The following MNX1 variants were observed in gnomAD, a reference collection of about 807,000 sequenced individuals.
MNX1 encodes the protein motor neuron and pancreas homeobox protein 1.
A neutral mutation model predicts 17.3 loss-of-function variants in MNX1; 2 were observed. The observed-to-expected ratio is 0.12, with a 90% CI of 0.05 to 0.36. MNX1 has a LOEUF of 0.36. Ranked by LOEUF, MNX1 falls within the 10% of genes least tolerant of loss-of-function variation. The pLI, the probability that MNX1 is intolerant of heterozygous loss-of-function variation, is 1.00. For synonymous variants in MNX1, 306 were observed against 283.1 expected (o/e 1.08, Z -0.81); for missense variants, 556 against 564.7 (o/e 0.98, Z 0.16).
At chr7:157,009,461 G>A (rs1805666270) in intron 1 of MNX1, 199 bp downstream of exon 1, 2 of 1,434,720 alleles carry the variant, frequency 1.4e-6, no homozygotes, top group East Asian at 2.5e-5. Context: ...GCCTGCGCAT[G>A]GCCATTTTAA....
rs746639181 is a variant in MNX1 at position 157,005,532 on chromosome 7, G to C, written c.1194C>G (p.Pro398=). The C allele has an allele frequency of 6.8e-5, 103 of 1,518,000 alleles. No homozygotes were observed. Among genetic ancestry groups the C allele is most frequent in the Non-Finnish European group, 4.4e-5 (50 of 1,137,910 alleles). The allele number at this position is 1,518,000 out of a possible 1,614,324, so 94.0% of individuals were successfully genotyped here. A position where few individuals can be genotyped will look rare whatever the true frequency, so the allele number is the denominator to read the frequency against. ...GGCCGCGGGGCTCCTACTGGGGCGC[G>C]GGCTGGTGGCTGGGCCGCGGGGGCG... ...DSPPPRPSHQ[P]APQ is the part of the protein sequence containing the mutation. The change falls in exon 3 of 3, where the codon CCC becomes CCG. Residue 398 remains proline (P), a synonymous_variant. Coordinates refer to ENST00000252971, the MANE Select transcript of MNX1 (RefSeq NM_005515.4).
Position 157,010,599 on chromosome 7 carries a change from C to T in MNX1, c.-249G>A, listed in dbSNP as rs1805698364. On this transcript the variant is annotated 5_prime_UTR_variant, in exon 1 of 3. Transcript: ENST00000252971. Reference sequence around the variant, plus strand: ...CGCGAGTGCTTCCCCGCGTCCGGGCCCGGGAGCCCGGTTCTTTGCGCTGCA... The same window carrying T: ...CGCGAGTGCTTCCCCGCGTCCGGGCTCGGGAGCCCGGTTCTTTGCGCTGCA... The T allele has an allele frequency of 3.4e-6, 1 of 292,752 alleles. No homozygotes were observed. The highest frequency in any genetic ancestry group is 2.2e-5 in the African/African-American group (1 of 46,254). The allele number at this position is 292,752 out of a possible 1,614,324, so 18.1% of individuals were successfully genotyped here.
At chr7:157,009,171 C>G (rs1230868787) in intron 1 of MNX1, 2 of 1,480,340 alleles carry the variant, frequency 1.4e-6, no homozygotes, top group Non-Finnish European at 1.8e-6. Flanking sequence ...CTTGCCTCCC[C>G]GGGCCTCCGA....
chr7:157,009,518 A>G, intron 1 of MNX1, 142 bp downstream of exon 1: 1 of 1,451,970 alleles, frequency 6.9e-7, no homozygotes, highest in Non-Finnish European at 9.1e-7. Context: ...GAGTCCTCGC[A>G]GGCCCCGGGC....
chr7:157,009,587 G>C, intron 1 of MNX1, 73 bp downstream of exon 1: 1 of 1,564,000 alleles, frequency 6.4e-7, no homozygotes, highest in South Asian at 1.1e-5. Context: ...CGCAGAGAGG[G>C]GCAGGCGGTG....
At chr7:157,005,930 C>A in intron 2 of MNX1, 57 bp from the exon 3 acceptor site, 1 of 1,590,932 alleles carries the variant, frequency 6.3e-7, no homozygotes. Context: ...GCTTCCTGTC[C>A]CCGGAGTCCC....
In MNX1 at chr7:157,010,096, G is replaced by A. The variant is rs1038358637; in HGVS notation, c.255C>T (p.Ala85=). 8 of 985,126 alleles carry A rather than the reference G, an allele frequency of 8.1e-6. No individual in the cohort carries two copies. In the Admixed American group the frequency reaches 3.1e-4, roughly 39 times the overall value. 61.0% of individuals were successfully genotyped at this position (985,126 alleles called of 1,614,324 possible). A position where few individuals can be genotyped will look rare whatever the true frequency, so the allele number is the denominator to read the frequency against. ...AESPSPPRLL[A]AHCALLPKPG... ...GCTTGGGCAGCAGCGCGCAGTGCGCGGCCAGCAGGCGCGGCGGCGACGGGC... is the reference window on the plus strand; with the variant it reads ...GCTTGGGCAGCAGCGCGCAGTGCGCAGCCAGCAGGCGCGGCGGCGACGGGC... Residue 85 remains alanine (A), a synonymous_variant, in exon 1 of 3, where the codon GCC becomes GCT. Coordinates refer to ENST00000252971, the MANE Select transcript of MNX1 (RefSeq NM_005515.4).
chr7:157,005,745 C>T lies in MNX1; in HGVS notation c.981G>A (p.Glu327=), dbSNP rs764034971. The T allele has an allele frequency of 1.2e-6, 2 of 1,609,288 alleles. No individual in the cohort carries two copies. The highest frequency in any genetic ancestry group is 1.1e-5 in the South Asian group (1 of 91,010). The change falls in exon 3 of 3, where the codon GAG becomes GAA. Residue 327 remains glutamate, a synonymous_variant. Coordinates refer to ENST00000252971, the MANE Select transcript of MNX1 (RefSeq NM_005515.4). ...GCCCCAGCAGCTCCTCGGCTCCCGG[C>T]TCCTCCGCGCCGCCCTTCCCCGCGC... ...GGGAGKGGAE[E]PGAEELLGPP...
rs764995287 is a variant in MNX1 at position 157,005,572 on chromosome 7, G to A, written c.1154C>T (p.Ser385Leu). Reference protein sequence around the residue: ...SVHAASSDCSSEDDSPPPRPS... With the variant: ...SVHAASSDCSLEDDSPPPRPS... ...CCGCGGGGGCGGCGAGTCGTCCTCC[G>A]AGGAGCAGTCGGAGGAGGCGGCGTG... The change falls in exon 3 of 3, where the codon TCG (serine) becomes TTG (leucine). Residue 385 changes from serine to leucine, a missense_variant. Ser to Leu is a moderately radical substitution (Grantham distance 145). Around this residue, in one of 7 missense-constraint regions of MNX1, gnomAD observed 178 missense variants for 155.2 expected, o/e 1.15. Transcript: ENST00000252971. 1.0e-5 allele frequency: 16 copies of A among 1,585,420 alleles called. 1 individual carries two copies. The highest frequency in any genetic ancestry group is 1.1e-5 in the South Asian group (1 of 87,610).
Position 157,006,376 on chromosome 7 carries a change from A to G in MNX1, c.852+103T>C. 3 of 1,323,974 alleles carry G rather than the reference A, an allele frequency of 2.3e-6. No homozygotes were observed. The highest frequency in any genetic ancestry group is 3.1e-6 in the Non-Finnish European group (3 of 971,704). The allele number at this position is 1,323,974 out of a possible 1,614,324, so 82.0% of individuals were successfully genotyped here. On this transcript the variant is annotated intron_variant, in intron 2 of 2. Coordinates refer to ENST00000252971, the MANE Select transcript of MNX1 (RefSeq NM_005515.4). This position sits in a 1 kb window ranked among gnomAD's most constrained non-coding sequence, Gnocchi z 6.3. ...CGTGCGCCCGCCGTCTGAACCGTCGAGGCGCAGCGCTAGATGCCTCAGACC... is the reference window on the plus strand; with the variant it reads ...CGTGCGCCCGCCGTCTGAACCGTCGGGGCGCAGCGCTAGATGCCTCAGACC...
chr7:157,006,001 CT>C lies in MNX1; in HGVS notation c.853-129del. ...CTGGAATGGCCTCAGGGTGAGACGA[CT>C]TAGAAGCAGAATGGGGAGGGGGCTC... On this transcript the variant is annotated intron_variant, in intron 2 of 2. Coordinates refer to ENST00000252971, the MANE Select transcript of MNX1 (RefSeq NM_005515.4). This position sits in a 1 kb window ranked among gnomAD's most constrained non-coding sequence, Gnocchi z 6.3. The C allele has an allele frequency of 9.7e-7, 1 of 1,031,524 alleles. No homozygotes were observed. The highest frequency in any genetic ancestry group is 1.4e-6 in the Non-Finnish European group (1 of 699,530). 63.9% of individuals were successfully genotyped at this position (1,031,524 alleles called of 1,614,324 possible).
At chr7:157,009,241 T>A in intron 1 of MNX1, 1 of 1,429,416 alleles carries the variant, frequency 7.0e-7, no homozygotes, top group Non-Finnish European at 9.1e-7. Flanking sequence ...GGGCCGCGGG[T>A]CTCTCTAACG....
At chr7:157,009,301 ACCCCCATT>A (rs1805662551) in intron 1 of MNX1, 4 of 1,410,724 alleles carry the variant, frequency 2.8e-6, no homozygotes, top group Non-Finnish European at 3.7e-6. Context: ...ATAAGCCCTG[ACCCCCATT>A]CCCGGGCCTG....
At position 157,005,340 on chromosome 7, in the gene MNX1, G is replaced by C. The variant is rs1206080982; in HGVS notation, c.*180C>G. 1 of 198,822 alleles carries C rather than the reference G, an allele frequency of 5.0e-6. No homozygotes were observed. The highest frequency in any genetic ancestry group is 7.7e-6 in the Non-Finnish European group (1 of 129,432). 12.3% of individuals were successfully genotyped at this position (198,822 alleles called of 1,614,324 possible). On this transcript the variant is annotated 3_prime_UTR_variant, in exon 3 of 3. Coordinates refer to ENST00000252971, the MANE Select transcript of MNX1 (RefSeq NM_005515.4). ...TGAGGCGCCCTTGCTTAAAAGGGAAGCGCCCAGGACCGGAGCCGCGGCCGA... is the reference window on the plus strand; with the variant it reads ...TGAGGCGCCCTTGCTTAAAAGGGAACCGCCCAGGACCGGAGCCGCGGCCGA...
At chr7:157,008,784 C>A in intron 1 of MNX1, 1 of 592,710 alleles carries the variant, frequency 1.7e-6, no homozygotes, top group South Asian at 2.1e-5. Context: ...AGTAGCTGAC[C>A]CCGATGGGGC....
At position 157,005,550 on chromosome 7, in the gene MNX1, C is replaced by G; in HGVS notation, c.1176G>C (p.Pro392=). Residue 392 remains proline (P), a synonymous_variant, in exon 3 of 3, where the codon CCG becomes CCC. Coordinates refer to ENST00000252971, the MANE Select transcript of MNX1 (RefSeq NM_005515.4). ...DCSSEDDSPP[P]RPSHQPAPQ The stretch of plus-strand genomic sequence containing the variant: ...GGGGCGCGGGCTGGTGGCTGGGCCG[C>G]GGGGGCGGCGAGTCGTCCTCCGAGG... 2 of 1,546,470 alleles carry G rather than the reference C, an allele frequency of 1.3e-6. No individual in the cohort carries two copies. The highest frequency in any genetic ancestry group is 1.7e-6 in the Non-Finnish European group (2 of 1,151,490).
intron 1 of MNX1, chr7:157,009,296 C>T (rs766167957): frequency 7.0e-7 from 1 of 1,421,864 alleles, no homozygotes; most frequent in Non-Finnish European, 9.2e-7. Context: ...CGGTGATAAG[C>T]CCTGACCCCC....
In MNX1 at chr7:157,006,645, G is replaced by C; in HGVS notation, c.692-6C>G. On this transcript the variant is annotated splice_polypyrimidine_tract_variant and splice_region_variant and intron_variant, in intron 1 of 2. Coordinates refer to ENST00000252971, the MANE Select transcript of MNX1 (RefSeq NM_005515.4). The surrounding 1 kb of genome is among the most constrained non-coding windows in gnomAD (Gnocchi z 6.3). ...GAGGTTCGACTGCGCCTGGGCTGGGGACCAAAGGGCAGTGAGGCCCACAGC... is the reference window on the plus strand; with the variant it reads ...GAGGTTCGACTGCGCCTGGGCTGGGCACCAAAGGGCAGTGAGGCCCACAGC... The C allele has an allele frequency of 6.3e-7, 1 of 1,583,128 alleles. No individual in the cohort carries two copies. The highest frequency in any genetic ancestry group is 8.6e-7 in the Non-Finnish European group (1 of 1,166,548).
At position 157,009,876 on chromosome 7, in the gene MNX1, A is replaced by C; in HGVS notation, c.475T>G (p.Tyr159Asp). ...GAGTAGCCGTAGACCGGGTGGCCGTAGAGCGCCGCCTGCGCCGGGAGGCCC... is the reference window on the plus strand; with the variant it reads ...GAGTAGCCGTAGACCGGGTGGCCGTCGAGCGCCGCCTGCGCCGGGAGGCCC... ...GAGLPAQAAL[Y>D]GHPVYGYSAA... The change falls in exon 1 of 3, where the codon TAC becomes GAC. Residue 159 changes from tyrosine (Y) to aspartate (D), a missense_variant. Transcript: ENST00000252971. 1.3e-5 allele frequency: 19 copies of C among 1,451,946 alleles called. No homozygotes were observed. The highest frequency in any genetic ancestry group is 1.6e-5 in the Non-Finnish European group (18 of 1,108,948). 89.9% of individuals were successfully genotyped at this position (1,451,946 alleles called of 1,614,324 possible). A position where few individuals can be genotyped will look rare whatever the true frequency, so the allele number is the denominator to read the frequency against.
Sources: allele counts gnomAD v4.1 joint callset, GRCh38; gene constraint gnomAD v4.1.1; regional missense constraint gnomAD v4.1.1; non-coding constraint Gnocchi (gnomAD v3.1); transcripts MANE v1.5; gene names NCBI Gene and HGNC (gene_info 2026-07-23, HGNC 2026-07-21).